RASA2: variants seen among roughly 807,000 people sequenced by gnomAD.
RASA2 encodes ras GTPase-activating protein 2.
In RASA2, 155 loss-of-function variants were observed where a neutral mutation model predicts 118.2. That is an observed-to-expected ratio of 1.31 (90% CI 1.15 to 1.50). RASA2 has a LOEUF of 1.50. RASA2 is among the 40% of genes most tolerant of loss of function. RASA2 has a pLI of 0.00. For missense variants in RASA2, 1,016 were observed against 1,009.6 expected (o/e 1.01, Z -0.09); for synonymous variants, 353 against 349.1 (o/e 1.01, Z -0.12).
At chr3:141,581,926 G>A (rs1034585524) in intron 17 of RASA2, among the ~76,000 whole-genome samples, 5 of 151,988 alleles carry the variant, frequency 3.3e-5, no homozygotes, top group East Asian at 1.9e-4. Flanking sequence ...TAGCATTATC[G>A]TAAAATGCTG....
chr3:141,515,231 A>G (rs1162173843), intron 2 of RASA2, among the ~76,000 whole-genome samples: 1 of 152,132 alleles, frequency 6.6e-6, no homozygotes, highest in Non-Finnish European at 1.5e-5. Flanking sequence ...GCATATTTTA[A>G]TTTTTTAAAA....
intron 3 of RASA2, among the ~76,000 whole-genome samples, chr3:141,526,892 A>C (rs549980196): frequency 7.2e-5 from 11 of 152,330 alleles, no homozygotes; most frequent in Non-Finnish European, 1.5e-4. Context: ...GCAGAATAGG[A>C]GGAAGAGGCT....
intron 1 of RASA2, among the ~76,000 whole-genome samples, chr3:141,506,988 A>G (rs1193781583): frequency 6.6e-6 from 1 of 152,088 alleles, no homozygotes; most frequent in Non-Finnish European, 1.5e-5. Context: ...ATACTGTATT[A>G]TTGAATATAT....
chr3:141,551,951 A>T (rs2082581503), intron 5 of RASA2, among the ~76,000 whole-genome samples: 1 of 152,182 alleles, frequency 6.6e-6, no homozygotes, highest in African/African-American at 2.4e-5. Context: ...GAAATTGCTT[A>T]CTTACAGATT....
At chr3:141,489,871 G>A (rs1036766092) in intron 1 of RASA2, among the ~76,000 whole-genome samples, 3 of 151,830 alleles carry the variant, frequency 2.0e-5, no homozygotes, top group African/African-American at 7.3e-5. Flanking sequence ...AACAAAAAGT[G>A]GTAACCAAAA....
At chr3:141,596,983 A>C (rs1014253648) in intron 19 of RASA2, among the ~76,000 whole-genome samples, 3 of 152,248 alleles carry the variant, frequency 2.0e-5, no homozygotes, top group African/African-American at 7.2e-5. Flanking sequence ...ATGCCCACAC[A>C]AAGAATCGGA....
Position 141,558,889 on chromosome 3 carries a change from AC to A in RASA2, c.690del (p.Arg231AspfsTer13). 6.3e-7 allele frequency: 1 copy of A among 1,597,262 alleles called. No individual in the cohort carries two copies. The highest frequency in any genetic ancestry group is 8.6e-7 in the Non-Finnish European group (1 of 1,166,254). On this transcript the variant is annotated frameshift_variant, in exon 8 of 24. Transcript: ENST00000286364. LOFTEE classifies it high-confidence loss of function. ...QFNEIFYFEV[T>X]RSSSYTRKSQ... ...TACTAAAATATTTTGTTTACAGGTAACCAGATCCAGTAGTTACACCAGAAAG... is the reference window on the plus strand; with the variant it reads ...TACTAAAATATTTTGTTTACAGGTAACAGATCCAGTAGTTACACCAGAAAG...
intron 2 of RASA2, among the ~76,000 whole-genome samples, chr3:141,512,582 C>G (rs2081967502): frequency 6.6e-6 from 1 of 152,102 alleles, no homozygotes; most frequent in Non-Finnish European, 1.5e-5. Context: ...AGTTGCTTAA[C>G]TTAGTAGTGC....
intron 1 of RASA2, among the ~76,000 whole-genome samples, chr3:141,492,850 C>G (rs914752133): frequency 6.6e-6 from 1 of 152,126 alleles, no homozygotes. Flanking sequence ...TAATACATAT[C>G]GAAGGGTCTG....
At chr3:141,507,591 C>T (rs578131446) in intron 1 of RASA2, among the ~76,000 whole-genome samples, 1 of 152,340 alleles carries the variant, frequency 6.6e-6, no homozygotes, top group East Asian at 1.9e-4. Flanking sequence ...CAAGCAGCCA[C>T]CTTCCTCAGT....
rs34101510 is a variant in RASA2 at position 141,520,542 on chromosome 3, AGT to A, written c.355+4128_355+4129del. Reference sequence around the variant, plus strand: ...AATGTATGTAACTATATATAACTGGAGTGTGTGTGTGTGTGTGTTATAATATA... The same window carrying A: ...AATGTATGTAACTATATATAACTGGAGTGTGTGTGTGTGTGTTATAATATA... On this transcript the variant is annotated intron_variant, in intron 3 of 23. Transcript: ENST00000286364. Among the ~76,000 whole-genome samples, 744 of 150,752 alleles carry A rather than the reference AGT, an allele frequency of 4.9e-3. 7 individuals carry two copies. The highest frequency in any genetic ancestry group is 0.014 in the African/African-American group (586 of 41,144).
chr3:141,597,599 A>G (rs371442785), intron 19 of RASA2, among the ~76,000 whole-genome samples: 11 of 152,190 alleles, frequency 7.2e-5, no homozygotes, highest in African/African-American at 2.7e-4. Flanking sequence ...AACTGGATGA[A>G]TTGATATGTC....
chr3:141,558,309 A>G (rs2082678702), intron 7 of RASA2, among the ~76,000 whole-genome samples: 1 of 152,204 alleles, frequency 6.6e-6, no homozygotes, highest in Non-Finnish European at 1.5e-5. Context: ...TTTGAAGAAT[A>G]ATTTATCTAT....
At chr3:141,605,490 A>T (rs981686938) in intron 19 of RASA2, among the ~76,000 whole-genome samples, 42 of 152,202 alleles carry the variant, frequency 2.8e-4, no homozygotes, top group Non-Finnish European at 5.4e-4. Context: ...CTTTCTCCAC[A>T]TATGCTGTGT....
chr3:141,575,789 G>GTTTTGT (rs1015472428), intron 14 of RASA2, among the ~76,000 whole-genome samples: 13 of 151,946 alleles, frequency 8.6e-5, no homozygotes, highest in Admixed American at 1.3e-4. Context: ...GTTTTTTTGG[G>GTTTTGT]TTTTGTTTTT....
At chr3:141,501,380 A>T (rs896028811) in intron 1 of RASA2, among the ~76,000 whole-genome samples, 4 of 152,194 alleles carry the variant, frequency 2.6e-5, no homozygotes, top group Non-Finnish European at 4.4e-5. Context: ...ATAGATGCTA[A>T]TTTTTAAGAA....
chr3:141,529,260 T>C (rs1054322140), intron 3 of RASA2, among the ~76,000 whole-genome samples: 1 of 152,138 alleles, frequency 6.6e-6, no homozygotes, highest in Non-Finnish European at 1.5e-5. Flanking sequence ...ATATTGTTTT[T>C]CCTTTTCTCT....
At chr3:141,558,750 C>A in intron 7 of RASA2, 136 bp from the exon 8 acceptor site, 2 of 685,220 alleles carry the variant, frequency 2.9e-6, no homozygotes, top group Non-Finnish European at 5.0e-6. Context: ...TTATATTCAG[C>A]TATTGAGTAA....
chr3:141,502,115 A>G (rs2081792310), intron 1 of RASA2, among the ~76,000 whole-genome samples: 1 of 152,202 alleles, frequency 6.6e-6, no homozygotes, highest in Non-Finnish European at 1.5e-5. Flanking sequence ...ATATAATGCA[A>G]CATTTCAAAA....
Sources: allele counts gnomAD v4.1 joint callset (sites outside exome capture counted in the v4.1 genomes callset), GRCh38; gene constraint gnomAD v4.1.1; transcripts MANE v1.5; gene names NCBI Gene and HGNC (gene_info 2026-07-23, HGNC 2026-07-21).